KCNJ1: variants seen among roughly 807,000 people sequenced by gnomAD.
KCNJ1 encodes the protein potassium inwardly rectifying channel subfamily J member 1.
In KCNJ1, 24 loss-of-function variants were observed where a neutral mutation model predicts 21.9. That is an observed-to-expected ratio of 1.10 (90% CI 0.79 to 1.54). The LOEUF is 1.54. Among genes scored for constraint, KCNJ1 ranks in the 40% most tolerant of loss-of-function variants. The pLI is 0.00. For missense variants in KCNJ1, 457 were observed against 455.4 expected (o/e 1.00, Z -0.03); for synonymous variants, 152 against 160.9 (o/e 0.94, Z 0.42).
In KCNJ1 at chr11:128,839,505, A is replaced by G; in HGVS notation, c.739T>C (p.Leu247=). 6.2e-7 allele frequency: 1 copy of G among 1,614,218 alleles called. No individual in the cohort carries two copies. The highest frequency in any genetic ancestry group is 8.5e-7 in the Non-Finnish European group (1 of 1,180,020). The change falls in exon 3 of 3, where the codon TTG becomes CTG. Residue 247 remains leucine (L), a synonymous_variant. Coordinates refer to ENST00000392666, the MANE Select transcript of KCNJ1 (RefSeq NM_153766.3). ...GNENLFFISP[L]TIYHVIDHNS... is the part of the protein sequence containing the mutation. ...TGATCAATGACATGGTAAATTGTCA[A>G]TGGGGAGATGAAGAATAAATTTTCA... is the stretch of plus-strand genomic sequence containing the variant.
At chr11:128,864,074 C>CTTTTTTTTTTTTT (rs71472076) in intron 1 of KCNJ1, among the ~76,000 whole-genome samples, 2 of 86,682 alleles carry the variant, frequency 2.3e-5, no homozygotes, top group African/African-American at 4.8e-5. Flanking sequence ...CTTTTTCTCT[C>CTTTTTTTTTTTTT]TTTTTTTTTT....
intron 1 of KCNJ1, among the ~76,000 whole-genome samples, chr11:128,864,337 C>G (rs369644300): frequency 6.6e-6 from 1 of 152,124 alleles, no homozygotes; most frequent in Non-Finnish European, 1.5e-5. Flanking sequence ...CCTCAGCCAC[C>G]AAAAGTGCTG....
At chr11:128,842,176 C>T (rs1260337293) in intron 2 of KCNJ1, among the ~76,000 whole-genome samples, 1 of 152,206 alleles carries the variant, frequency 6.6e-6, no homozygotes, top group Non-Finnish European at 1.5e-5. Context: ...CCTAACACAC[C>T]AACTTCTGAG....
intron 2 of KCNJ1, among the ~76,000 whole-genome samples, chr11:128,841,893 T>C (rs569789441): frequency 1.3e-5 from 2 of 152,184 alleles, no homozygotes; most frequent in Non-Finnish European, 2.9e-5. Context: ...CATCCCACAC[T>C]GCCCTCACTG....
At chr11:128,862,979 T>C (rs1943747795) in intron 1 of KCNJ1, among the ~76,000 whole-genome samples, 1 of 152,182 alleles carries the variant, frequency 6.6e-6, no homozygotes, top group African/African-American at 2.4e-5. Context: ...ACAACAGTTA[T>C]TCACAGTTGC....
At chr11:128,852,649 C>A (rs184258279) in intron 1 of KCNJ1, among the ~76,000 whole-genome samples, 48 of 152,376 alleles carry the variant, frequency 3.2e-4, no homozygotes, top group Admixed American at 5.2e-4. Flanking sequence ...ATGCTGGAGT[C>A]TTCTCACTGG....
intron 1 of KCNJ1, among the ~76,000 whole-genome samples, chr11:128,855,022 G>A (rs570126451): frequency 6.6e-6 from 1 of 152,300 alleles, no homozygotes; most frequent in African/African-American, 2.4e-5. Flanking sequence ...GCAGCTTACT[G>A]GTGCATGACC....
intron 1 of KCNJ1, 127 bp from the exon 2 acceptor site, chr11:128,851,017 A>G (rs1000138089): frequency 6.3e-5 from 21 of 333,366 alleles, no homozygotes; most frequent in Non-Finnish European, 8.1e-5. Flanking sequence ...CAAAGGTAGA[A>G]AGGTCAGCTT....
At position 128,839,446 on chromosome 11, in the gene KCNJ1, G is replaced by T. The variant is rs139777470; in HGVS notation, c.798C>A (p.Thr266=). 4.6e-4 allele frequency: 737 copies of T among 1,614,136 alleles called. No homozygotes were observed. Among genetic ancestry groups the T allele is most frequent in the Non-Finnish European group, 5.7e-4 (668 of 1,180,022 alleles). ...CTAATTCAAAGTCCTGCTGGAGAAG[G>T]GTCTCCGCTGCCATGTGGAAGAAAG... ...NSPFFHMAAE[T]LLQQDFELVV... is the part of the protein sequence containing the mutation. The change falls in exon 3 of 3, where the codon ACC becomes ACA. Residue 266 remains threonine (T), a synonymous_variant. Transcript: ENST00000392666.
chr11:128,845,325 GA>G (rs1943360288), intron 2 of KCNJ1, among the ~76,000 whole-genome samples: 1 of 152,246 alleles, frequency 6.6e-6, no homozygotes, highest in Non-Finnish European at 1.5e-5. Context: ...TTGAGGACAC[GA>G]TGTTAAGGCA....
chr11:128,851,719 A>C (rs891469955), intron 1 of KCNJ1, among the ~76,000 whole-genome samples: 2 of 152,230 alleles, frequency 1.3e-5, no homozygotes, highest in African/African-American at 4.8e-5. Context: ...TGCTTTACCG[A>C]GCGTCTGCAA....
intron 1 of KCNJ1, among the ~76,000 whole-genome samples, chr11:128,859,365 C>A (rs1438347609): frequency 6.6e-6 from 1 of 152,150 alleles, no homozygotes; most frequent in South Asian, 2.1e-4. Flanking sequence ...GGGATCCTCC[C>A]GCCTCAGCCT....
rs1430178066 is a variant in KCNJ1 at position 128,850,387 on chromosome 11, G to A, written c.-22+334C>T. On this transcript the variant is annotated intron_variant, in intron 2 of 2. Transcript: ENST00000392666. ...TAACTGATACATTTACTTTTGTGCT[G>A]TCTCCTCCACTGCCATGTCCCCAGT... is the stretch of plus-strand genomic sequence containing the variant. Among the ~76,000 whole-genome samples the A allele has an allele frequency of 3.3e-5, 5 of 152,280 alleles. No individual in the cohort carries two copies. The South Asian group carries it at 6.2e-4, about 19-fold the overall frequency.
chr11:128,838,471 C>G lies in KCNJ1; in HGVS notation c.*654G>C, dbSNP rs1256353420. The G allele has an allele frequency of 1.3e-5, 2 of 153,320 alleles. No individual in the cohort carries two copies. Among genetic ancestry groups the G allele is most frequent in the Non-Finnish European group, 2.9e-5 (2 of 68,930 alleles). The allele number at this position is 153,320 out of a possible 1,614,324, so 9.5% of individuals were successfully genotyped here. The stretch of plus-strand genomic sequence containing the variant: ...TTATAGCCCTTTAAGCCATCCAATA[C>G]AGATTGAAAGAAATATCATCACCAC... On this transcript the variant is annotated 3_prime_UTR_variant, in exon 3 of 3. Coordinates refer to ENST00000392666, the MANE Select transcript of KCNJ1 (RefSeq NM_153766.3).
chr11:128,856,340 C>G (rs1375603691), intron 1 of KCNJ1, among the ~76,000 whole-genome samples: 2 of 152,214 alleles, frequency 1.3e-5, no homozygotes, highest in Non-Finnish European at 2.9e-5. Flanking sequence ...CGGAGGCAAC[C>G]AGGGCACAGG....
At chr11:128,843,656 A>T (rs1030003985) in intron 2 of KCNJ1, among the ~76,000 whole-genome samples, 1 of 152,252 alleles carries the variant, frequency 6.6e-6, no homozygotes, top group African/African-American at 2.4e-5. Context: ...GGTTGGTATA[A>T]TGCCAAAAAG....
chr11:128,842,776 A>G (rs1199641561), intron 2 of KCNJ1, among the ~76,000 whole-genome samples: 1 of 152,182 alleles, frequency 6.6e-6, no homozygotes, highest in Non-Finnish European at 1.5e-5. Flanking sequence ...TGTTTCTCCT[A>G]AAAGTTGTGC....
At chr11:128,864,334 C>T (rs1943777351) in intron 1 of KCNJ1, among the ~76,000 whole-genome samples, 1 of 151,978 alleles carries the variant, frequency 6.6e-6, no homozygotes, top group South Asian at 2.1e-4. Context: ...GAGCCTCAGC[C>T]ACCAAAAGTG....
intron 1 of KCNJ1, among the ~76,000 whole-genome samples, chr11:128,855,704 A>C (rs1288151768): frequency 6.6e-6 from 1 of 152,216 alleles, no homozygotes; most frequent in East Asian, 1.9e-4. Flanking sequence ...TCTGTTTCCC[A>C]ATGCTGAGAT....
Sources: gnomAD v4.1 joint callset for allele counts (sites outside exome capture counted in the v4.1 genomes callset) on GRCh38, gnomAD v4.1.1 for gene constraint, MANE v1.5 for transcripts, NCBI Gene and HGNC (gene_info 2026-07-23, HGNC 2026-07-21) for gene names.